Variants in ASCC1 observed in about 807,000 individuals in gnomAD.
ASCC1 encodes the protein ASC-1 complex subunit P50.
A neutral mutation model predicts 46.6 loss-of-function variants in ASCC1; 35 were observed. The ratio of observed to expected loss-of-function variants is 0.75; its 90% CI spans 0.57 to 0.99. The LOEUF (loss-of-function observed/expected upper bound fraction) is 0.99, where lower values mean the gene tolerates loss of function less well. Ranked by LOEUF, ASCC1 falls within the 50% of genes least tolerant of loss-of-function variation. ASCC1 has a pLI of 0.00. For synonymous variants in ASCC1, 143 were observed against 146.6 expected (o/e 0.98, Z 0.18); for missense variants, 376 against 428.7 (o/e 0.88, Z 1.09).
intron 9 of ASCC1, among the ~76,000 whole-genome samples, chr10:72,111,134 AAG>A (rs1227026850): frequency 2.0e-5 from 3 of 152,136 alleles, no homozygotes; most frequent in Non-Finnish European, 4.4e-5. Context: ...AATGCTTTGG[AAG>A]AGAGAGAGGG....
intron 2 of ASCC1, among the ~76,000 whole-genome samples, chr10:72,212,460 T>A (rs1452195840): frequency 2.6e-5 from 4 of 152,262 alleles, no homozygotes; most frequent in Admixed American, 1.3e-4. Context: ...AACCACGATG[T>A]TCTACAAAAG....
intron 3 of ASCC1, among the ~76,000 whole-genome samples, chr10:72,209,385 G>A (rs182497426): frequency 6.6e-5 from 10 of 152,090 alleles, no homozygotes; most frequent in Admixed American, 5.2e-4. Flanking sequence ...GGGAGGCTGA[G>A]GTGAAAGGAT....
At chr10:72,168,486 T>C (rs1218497068) in intron 5 of ASCC1, among the ~76,000 whole-genome samples, 4 of 152,104 alleles carry the variant, frequency 2.6e-5, no homozygotes, top group Non-Finnish European at 5.9e-5. Context: ...AAATGCAAAA[T>C]GGTACAATCC....
Position 72,128,080 on chromosome 10 carries a change from A to G in ASCC1, c.957+2T>C. 6.2e-7 allele frequency: 1 copy of G among 1,612,052 alleles called. No individual in the cohort carries two copies. ...TTCCAATTCACTCTGCTTCATACTG[A>G]CCTTTAAAATATTTCGGCCATCAAA... is the stretch of plus-strand genomic sequence containing the variant. On this transcript the variant is annotated splice_donor_variant, in intron 9 of 9. Coordinates refer to ENST00000672957, the MANE Select transcript of ASCC1 (RefSeq NM_001198800.3). LOFTEE classifies it high-confidence loss of function.
chr10:72,183,171 G>A (rs1382089787), intron 5 of ASCC1, among the ~76,000 whole-genome samples: 9 of 151,694 alleles, frequency 5.9e-5, no homozygotes, highest in Non-Finnish European at 1.3e-4. Context: ...CGCCTCCTGA[G>A]TAGCTGGGAT....
chr10:72,184,641 G>C (rs1043608244), intron 5 of ASCC1, among the ~76,000 whole-genome samples: 1 of 151,978 alleles, frequency 6.6e-6, no homozygotes, highest in Non-Finnish European at 1.5e-5. Context: ...AAGAGAAATA[G>C]ATGAATCCAC....
intron 5 of ASCC1, among the ~76,000 whole-genome samples, chr10:72,188,147 C>T (rs1236560430): frequency 8.1e-6 from 1 of 124,038 alleles, no homozygotes; most frequent in African/African-American, 3.1e-5. Flanking sequence ...TTTTTTGAGA[C>T]AGTCTCGCTC....
At chr10:72,179,768 A>G (rs1177142569) in intron 5 of ASCC1, among the ~76,000 whole-genome samples, 1 of 152,194 alleles carries the variant, frequency 6.6e-6, no homozygotes, top group Non-Finnish European at 1.5e-5. Flanking sequence ...CATATTTGCT[A>G]TTTTATACAT....
chr10:72,138,345 G>A (rs968103317), intron 7 of ASCC1, among the ~76,000 whole-genome samples: 2 of 152,244 alleles, frequency 1.3e-5, no homozygotes, highest in Middle Eastern at 6.8e-3. Context: ...ATGAAATACT[G>A]GAGTAAGTAA....
At chr10:72,208,457 G>A (rs1384788492) in intron 3 of ASCC1, among the ~76,000 whole-genome samples, 1 of 151,978 alleles carries the variant, frequency 6.6e-6, no homozygotes, top group Non-Finnish European at 1.5e-5. Context: ...CTATCAAGGT[G>A]GATGAAATGA....
intron 1 of ASCC1, among the ~76,000 whole-genome samples, chr10:72,213,992 C>A (rs181753990): frequency 1.3e-5 from 2 of 151,594 alleles, no homozygotes; most frequent in African/African-American, 4.9e-5. Flanking sequence ...GAGCTAAGAT[C>A]GCGCCACTGC....
intron 5 of ASCC1, among the ~76,000 whole-genome samples, chr10:72,192,939 C>T (rs1854767682): frequency 6.6e-6 from 1 of 152,206 alleles, no homozygotes; most frequent in African/African-American, 2.4e-5. Flanking sequence ...TAAGATGTCA[C>T]TACACAGCTA....
At chr10:72,195,428 G>A (rs930657652) in intron 5 of ASCC1, among the ~76,000 whole-genome samples, 1 of 151,860 alleles carries the variant, frequency 6.6e-6, no homozygotes, top group Non-Finnish European at 1.5e-5. Context: ...TGTGATTAGA[G>A]GCATGAGCCA....
rs1020757070 is a variant in ASCC1 at position 72,128,063 on chromosome 10, C to A, written c.957+19G>T. 4.4e-6 allele frequency: 7 copies of A among 1,594,228 alleles called. No homozygotes were observed. In the Admixed American group the frequency reaches 6.7e-5, roughly 15 times the overall value. ...GACATGTGCCAAAGGATTTCCAATT[C>A]ACTCTGCTTCATACTGACCTTTAAA... is the stretch of plus-strand genomic sequence containing the variant. On this transcript the variant is annotated intron_variant, in intron 9 of 9. Transcript: ENST00000672957.
intron 3 of ASCC1, chr10:72,204,436 A>G: frequency 6.4e-7 from 1 of 1,550,432 alleles, no homozygotes; most frequent in Non-Finnish European, 8.7e-7. Context: ...ACTTCCAAGT[A>G]TAAATATTCT....
At chr10:72,214,188 C>CA (rs1445217661) in intron 1 of ASCC1, among the ~76,000 whole-genome samples, 4 of 148,424 alleles carry the variant, frequency 2.7e-5, no homozygotes, top group Non-Finnish European at 5.9e-5. Context: ...CCCTGTCTCT[C>CA]AAAAAACAAC....
intron 6 of ASCC1, among the ~76,000 whole-genome samples, chr10:72,160,821 C>T (rs527449314): frequency 9.6e-4 from 143 of 149,210 alleles, no homozygotes; most frequent in African/African-American, 2.3e-3. Context: ...TGGTTGCTCA[C>T]GCCTGTAATC....
chr10:72,156,002 G>A (rs1216136420), intron 6 of ASCC1, among the ~76,000 whole-genome samples: 6 of 152,230 alleles, frequency 3.9e-5, no homozygotes, highest in Admixed American at 2.6e-4. Context: ...GTCACAGGCT[G>A]ATATATTAAA....
At chr10:72,144,174 A>G (rs935246908) in intron 7 of ASCC1, among the ~76,000 whole-genome samples, 1 of 151,896 alleles carries the variant, frequency 6.6e-6, no homozygotes, top group Non-Finnish European at 1.5e-5. Context: ...ATGGGGTTTC[A>G]CCATCTTGGC....
Sources: allele counts gnomAD v4.1 joint callset (sites outside exome capture counted in the v4.1 genomes callset), GRCh38; gene constraint gnomAD v4.1.1; transcripts MANE v1.5; gene names NCBI Gene and HGNC (gene_info 2026-07-23, HGNC 2026-07-21).